ZFYVE16: variants seen among roughly 807,000 people sequenced by gnomAD.
ZFYVE16 encodes the protein zinc finger FYVE domain-containing protein 16.
ZFYVE16 carries 89 observed loss-of-function variants against 138.1 expected under a neutral mutation model. The ratio of observed to expected loss-of-function variants is 0.64; its 90% CI spans 0.54 to 0.77. The LOEUF (loss-of-function observed/expected upper bound fraction) is 0.77. Among genes scored for constraint, ZFYVE16 ranks in the 30% least tolerant of loss-of-function variants. ZFYVE16 has a pLI of 0.00. For missense variants in ZFYVE16, 1,793 were observed against 1,786.7 expected (o/e 1.00, Z -0.06); for synonymous variants, 596 against 618.3 (o/e 0.96, Z 0.53).
intron 15 of ZFYVE16, among the ~76,000 whole-genome samples, chr5:80,472,557 C>A (rs1245364164): frequency 1.9e-5 from 2 of 104,684 alleles, no homozygotes; most frequent in African/African-American, 5.5e-5. Context: ...AGCAGAAATT[C>A]TCTTTGTTTT....
In ZFYVE16 at chr5:80,458,053, AG is replaced by A. The variant is rs1304589965; in HGVS notation, c.3943+963del. ...CGTCTAAAAAAAAAAAAAAAAAAAA[AG>A]GTGGTAAAAGGGAAAAGTGCCAAGA... On this transcript the variant is annotated intron_variant, in intron 14 of 18. Coordinates refer to ENST00000505560, the MANE Select transcript of ZFYVE16 (RefSeq NM_001284236.3). Among the ~76,000 whole-genome samples the A allele has an allele frequency of 2.0e-5, 3 of 150,020 alleles. No individual in the cohort carries two copies. In the East Asian group the frequency reaches 5.9e-4, roughly 29 times the overall value.
rs1252489508 is a variant in ZFYVE16 at position 80,448,113 on chromosome 5, C to G, written c.2812C>G (p.Gln938Glu). ...TGDITRNEII[Q>E]SPISQVPSVE... ...AGATATTACAAGAAATGAGATAATTCAGAGTCCTATTTCTCAGGTTCCATC... is the reference window on the plus strand; with the variant it reads ...AGATATTACAAGAAATGAGATAATTGAGAGTCCTATTTCTCAGGTTCCATC... Residue 938 changes from glutamine to glutamate, a missense_variant, in exon 8 of 19, where the codon CAG becomes GAG. Physicochemically the swap from Gln to Glu is conservative, Grantham distance 29. Coordinates refer to ENST00000505560, the MANE Select transcript of ZFYVE16 (RefSeq NM_001284236.3). The G allele has an allele frequency of 4.3e-6, 7 of 1,613,634 alleles. No homozygotes were observed. The African/African-American group carries it at 9.4e-5, about 22-fold the overall frequency.
rs1353293500 is a variant in ZFYVE16 at position 80,478,065 on chromosome 5, ATATT to A, written c.*691_*694del. On this transcript the variant is annotated 3_prime_UTR_variant, in exon 19 of 19. Coordinates refer to ENST00000505560, the MANE Select transcript of ZFYVE16 (RefSeq NM_001284236.3). ...GGGTGCTTCAGGACTTTTTGCTTCT[ATATT>A]TAAGTATATTGTTTTTATAGCAAGA... 2.0e-5 allele frequency: 3 copies of A among 152,174 alleles called. No homozygotes were observed. Among genetic ancestry groups the A allele is most frequent in the African/African-American group, 4.8e-5 (2 of 41,554 alleles). The allele number at this position is 152,174 out of a possible 1,614,324, so 9.4% of individuals were successfully genotyped here. A position where few individuals can be genotyped will look rare whatever the true frequency, so the allele number is the denominator to read the frequency against.
intron 11 of ZFYVE16, among the ~76,000 whole-genome samples, chr5:80,452,850 C>T (rs1486941279): frequency 6.6e-6 from 1 of 151,970 alleles, no homozygotes; most frequent in African/African-American, 2.4e-5. Flanking sequence ...ACTTATCTAC[C>T]CTTGACACAA....
Position 80,438,160 on chromosome 5 carries a change from C to T in ZFYVE16, c.1475C>T (p.Ser492Phe). ...EGLSGTHVPE[S>F]SDCCEGFINT... ...CTTTCTGGCACTCATGTCCCAGAGT[C>T]TTCTGATTGTTGTGAAGGTTTTATT... The change falls in exon 4 of 19, where the codon TCT (serine) becomes TTT (phenylalanine). Residue 492 changes from serine to phenylalanine, a missense_variant. By Grantham distance (155) the Ser-to-Phe change is radical (BLOSUM62 -2). Transcript: ENST00000505560. The T allele has an allele frequency of 6.2e-7, 1 of 1,613,894 alleles. No individual in the cohort carries two copies. Among genetic ancestry groups the T allele is most frequent in the Middle Eastern group, 1.6e-4 (1 of 6,062 alleles).
At chr5:80,449,406 T>C (rs2544602) in intron 8 of ZFYVE16, among the ~76,000 whole-genome samples, 185 bp from the exon 9 acceptor site, 4,813 of 152,300 alleles carry the variant, frequency 0.032, 106 homozygotes, top group South Asian at 0.047. Flanking sequence ...TATTAGTAAC[T>C]TTACATGGAA....
chr5:80,475,815 ATATC>A (rs1450539736), intron 18 of ZFYVE16, among the ~76,000 whole-genome samples: 1 of 152,244 alleles, frequency 6.6e-6, no homozygotes, highest in Non-Finnish European at 1.5e-5. Context: ...AAGCGTAAGT[ATATC>A]TATAAGAAAA....
intron 14 of ZFYVE16, among the ~76,000 whole-genome samples, chr5:80,457,363 AGTAATTTCTTTCTGAAATAAG>A (rs1317076686): frequency 6.6e-6 from 1 of 152,178 alleles, no homozygotes; most frequent in African/African-American, 2.4e-5. Flanking sequence ...TCTTTCTTTG[AGTAATTTCTTTCTGAAATAAG>A]GTATTTCTTT....
chr5:80,441,738 A>C (rs1750732653), intron 5 of ZFYVE16: 1 of 985,330 alleles, frequency 1.0e-6, no homozygotes, highest in African/African-American at 1.7e-5. Context: ...TTTGAAATCC[A>C]GAGTAAAGTG....
chr5:80,414,071 T>A (rs764166836), intron 1 of ZFYVE16, among the ~76,000 whole-genome samples: 12 of 152,230 alleles, frequency 7.9e-5, no homozygotes, highest in African/African-American at 1.4e-4. Context: ...TGAGGTTATT[T>A]CCTTTCTTGT....
At chr5:80,423,337 C>CT (rs1398989056) in intron 1 of ZFYVE16, among the ~76,000 whole-genome samples, 1 of 151,936 alleles carries the variant, frequency 6.6e-6, no homozygotes, top group East Asian at 1.9e-4. Flanking sequence ...CCTTTATTAT[C>CT]TTTTTTGTAT....
intron 2 of ZFYVE16, among the ~76,000 whole-genome samples, chr5:80,429,056 C>T (rs1245949784): frequency 6.6e-6 from 1 of 152,192 alleles, no homozygotes; most frequent in Non-Finnish European, 1.5e-5. Context: ...AGGAGAACTT[C>T]CTCAACCTAG....
intron 1 of ZFYVE16, among the ~76,000 whole-genome samples, chr5:80,419,168 C>T (rs985641569): frequency 1.3e-5 from 2 of 151,656 alleles, no homozygotes; most frequent in African/African-American, 4.9e-5. Flanking sequence ...GCCTCAGCCT[C>T]CCTGGTTTCA....
At chr5:80,415,915 C>T (rs1189302751) in intron 1 of ZFYVE16, among the ~76,000 whole-genome samples, 1 of 152,164 alleles carries the variant, frequency 6.6e-6, no homozygotes, top group Non-Finnish European at 1.5e-5. Context: ...ATCTGCCCGC[C>T]TCAGCCTCCC....
chr5:80,423,497 G>A (rs908031086), intron 1 of ZFYVE16, among the ~76,000 whole-genome samples: 1 of 151,850 alleles, frequency 6.6e-6, no homozygotes, highest in Non-Finnish European at 1.5e-5. Flanking sequence ...TTGTTTTCCT[G>A]TTTTAAATTC....
At chr5:80,414,643 C>G (rs1351580590) in intron 1 of ZFYVE16, among the ~76,000 whole-genome samples, 2 of 152,110 alleles carry the variant, frequency 1.3e-5, no homozygotes, top group Admixed American at 6.5e-5. Context: ...GTGCCGGGCA[C>G]TGGTCAAGAC....
At chr5:80,457,977 G>A (rs1752695403) in intron 14 of ZFYVE16, among the ~76,000 whole-genome samples, 1 of 145,366 alleles carries the variant, frequency 6.9e-6, no homozygotes, top group African/African-American at 2.6e-5. Context: ...AGTGAGCCCA[G>A]ATCGTGCCAC....
chr5:80,433,699 AG>A (rs1415263440), intron 2 of ZFYVE16, among the ~76,000 whole-genome samples: 1 of 152,266 alleles, frequency 6.6e-6, no homozygotes, highest in East Asian at 1.9e-4. Context: ...CACTAAAAAA[AG>A]AAAAAAAAAA....
At chr5:80,459,601 G>A in intron 15 of ZFYVE16, 107 bp downstream of exon 15, 1 of 910,774 alleles carries the variant, frequency 1.1e-6, no homozygotes, top group Admixed American at 2.8e-5. Context: ...ATAAAGCACA[G>A]TACCACAAAC....
Sources: allele counts gnomAD v4.1 joint callset (sites outside exome capture counted in the v4.1 genomes callset), GRCh38; gene constraint gnomAD v4.1.1; transcripts MANE v1.5; gene names NCBI Gene and HGNC (gene_info 2026-07-23, HGNC 2026-07-21).